The following MAP2K5 variants were observed in gnomAD, a reference collection of about 807,000 sequenced individuals.
MAP2K5 encodes mitogen-activated protein kinase kinase 5.
MAP2K5 carries 49 observed loss-of-function variants against 83.1 expected under a neutral mutation model. The observed-to-expected ratio is 0.59, with a 90% CI of 0.47 to 0.75. The LOEUF (loss-of-function observed/expected upper bound fraction) is 0.75, where lower values mean the gene tolerates loss of function less well. Ranked by LOEUF, MAP2K5 falls within the 30% of genes least tolerant of loss-of-function variation. MAP2K5 has a pLI of 0.00. For synonymous variants in MAP2K5, 202 were observed against 191.8 expected (o/e 1.05, Z -0.44); for missense variants, 457 against 557.5 (o/e 0.82, Z 1.82).
chr15:67,612,549 T>C (rs768346489), intron 8 of MAP2K5, among the ~76,000 whole-genome samples: 21 of 152,320 alleles, frequency 1.4e-4, no homozygotes, highest in African/African-American at 5.1e-4. Context: ...TGAAGATGAC[T>C]GTCCCTGGAT....
At chr15:67,751,540 A>G (rs3784707) in intron 19 of MAP2K5, among the ~76,000 whole-genome samples, 1 of 152,048 alleles carries the variant, frequency 6.6e-6, no homozygotes, top group Non-Finnish European at 1.5e-5. Flanking sequence ...TAGCCATCTG[A>G]TATCTTTGGG....
rs2087702298 is a variant in MAP2K5, at chr15:67,677,133, T to G, written c.847+12488T>G. On this transcript the variant is annotated intron_variant, in intron 13 of 21. Transcript: ENST00000178640. This position sits in a 1 kb window ranked among gnomAD's most constrained non-coding sequence, Gnocchi z 4.2. ...CTTAAAACATCTGGGCTATTTTCTT[T>G]GTGAACTTCCCAAGATCACCCAACT... 6.6e-6 allele frequency among the ~76,000 whole-genome samples: 1 copy of G among 152,188 alleles called. No individual in the cohort carries two copies. The highest frequency in any genetic ancestry group is 2.4e-5 in the African/African-American group (1 of 41,448).
At chr15:67,581,409 ACTAT>A (rs1200463307) in intron 4 of MAP2K5, among the ~76,000 whole-genome samples, 1 of 152,222 alleles carries the variant, frequency 6.6e-6, no homozygotes, top group African/African-American at 2.4e-5. Flanking sequence ...GTTTGGCAGT[ACTAT>A]CCTTGTATCA....
At chr15:67,681,417 A>G (rs1311559957) in intron 13 of MAP2K5, among the ~76,000 whole-genome samples, 1 of 152,242 alleles carries the variant, frequency 6.6e-6, no homozygotes, top group Admixed American at 6.5e-5. Context: ...CACAGTCAGT[A>G]TGCAGCGGCA....
At chr15:67,693,242 G>A (rs1289502351) in intron 14 of MAP2K5, among the ~76,000 whole-genome samples, 1 of 152,212 alleles carries the variant, frequency 6.6e-6, no homozygotes, top group African/African-American at 2.4e-5. Context: ...TATCAGGCGG[G>A]TTTGGGATAC....
intron 9 of MAP2K5, chr15:67,641,428 GCT>G (rs759783448): frequency 8.6e-5 from 81 of 939,234 alleles, no homozygotes; most frequent in East Asian, 2.3e-4. Context: ...CTGTGATTTT[GCT>G]CTCTTTCCCT....
In MAP2K5 at chr15:67,779,358, T is replaced by C. The variant is rs1206419789; in HGVS notation, c.1242+6606T>C. 6.6e-6 allele frequency among the ~76,000 whole-genome samples: 1 copy of C among 152,240 alleles called. No individual in the cohort carries two copies. The highest frequency in any genetic ancestry group is 1.9e-4 in the East Asian group (1 of 5,202). On this transcript the variant is annotated intron_variant, in intron 21 of 21. Coordinates refer to ENST00000178640, the MANE Select transcript of MAP2K5 (RefSeq NM_145160.3). This position sits in a 1 kb window ranked among gnomAD's most constrained non-coding sequence, Gnocchi z 4.6. Reference sequence around the variant, plus strand: ...ACTGTCTGGATACTTGAGATCGCACTAAATCAGACAGCTTTAATTTGAATT... The same window carrying C: ...ACTGTCTGGATACTTGAGATCGCACCAAATCAGACAGCTTTAATTTGAATT...
rs17240546 is a variant in MAP2K5 at position 67,549,439 on chromosome 15, C to A, written c.136-595C>A. ...ATGTGGCATAATGGGTTTATATCGTCATGGAAACTTGGGTGTCGAACTCCT... is the reference window on the plus strand; with the variant it reads ...ATGTGGCATAATGGGTTTATATCGTAATGGAAACTTGGGTGTCGAACTCCT... On this transcript the variant is annotated intron_variant, in intron 1 of 21. Transcript: ENST00000178640. Among the ~76,000 whole-genome samples the A allele has an allele frequency of 8.2e-3, 1,245 of 152,242 alleles. 38 individuals are homozygous for A. The highest frequency in any genetic ancestry group is 0.06 in the Admixed American group (912 of 15,284).
In MAP2K5 at chr15:67,587,453, C is replaced by T. The variant is rs2085313317; in HGVS notation, c.431+540C>T. Among the ~76,000 whole-genome samples the T allele has an allele frequency of 6.6e-6, 1 of 152,102 alleles. No homozygotes were observed. Among genetic ancestry groups the T allele is most frequent in the South Asian group, 2.1e-4 (1 of 4,824 alleles). On this transcript the variant is annotated intron_variant, in intron 6 of 21. Transcript: ENST00000178640. This position sits in a 1 kb window ranked among gnomAD's most constrained non-coding sequence, Gnocchi z 4.8. ...AAAAGATCCTCTGCCTGTGGTGTGG[C>T]GAATGAGCAGAAGCTCCCATCTAAT...
rs970777521 is a variant in MAP2K5, at chr15:67,665,430, A to T, written c.847+785A>T. 6.6e-6 allele frequency among the ~76,000 whole-genome samples: 1 copy of T among 152,240 alleles called. No individual in the cohort carries two copies. Among genetic ancestry groups the T allele is most frequent in the East Asian group, 1.9e-4 (1 of 5,202 alleles). ...GCTGTTTAATTTTACACATCTGCTC[A>T]TCTTAGCTGTATGTACATTTGGGGA... On this transcript the variant is annotated intron_variant, in intron 13 of 21. Transcript: ENST00000178640. This position sits in a 1 kb window ranked among gnomAD's most constrained non-coding sequence, Gnocchi z 4.2.
Position 67,550,074 on chromosome 15 carries a change from C to T in MAP2K5, c.176C>T (p.Ala59Val). 1.9e-6 allele frequency: 3 copies of T among 1,613,410 alleles called. No individual in the cohort carries two copies. Among genetic ancestry groups the T allele is most frequent in the South Asian group, 1.1e-5 (1 of 91,046 alleles). ...GQVLPEATTT[A>V]FEYEDEDGDR... ...GTTCTGCCTGAAGCAACAACTACAG[C>T]ATTTGAATGTAAGTCTGGCTTGTAT... Residue 59 changes from alanine (A) to valine (V), a missense_variant, in exon 2 of 22, where the codon GCA becomes GTA. This residue lies in a region of MAP2K5 where 234 missense variants were observed against 243.6 expected (regional missense o/e 0.96). Coordinates refer to ENST00000178640, the MANE Select transcript of MAP2K5 (RefSeq NM_145160.3).
chr15:67,703,893 GA>G (rs201034391), intron 16 of MAP2K5, among the ~76,000 whole-genome samples: 13 of 151,370 alleles, frequency 8.6e-5, no homozygotes, highest in South Asian at 6.3e-4. Context: ...TGTTTTAAAA[GA>G]AAAAAAAATC....
At chr15:67,692,605 A>G (rs2088142975) in intron 14 of MAP2K5, 53 bp downstream of exon 14, 3 of 1,373,532 alleles carry the variant, frequency 2.2e-6, no homozygotes, top group African/African-American at 1.4e-5. Context: ...ACCCCTTTAT[A>G]TTTTCATTCT....
At position 67,692,455 on chromosome 15, in the gene MAP2K5, TG is replaced by T. The variant is rs555563104; in HGVS notation, c.848-22del. ...CTGTAGATACATGGAATTAGTTACATGGCCTTTTCTGGTCCCTTTTTAGACG... is the reference window on the plus strand; with the variant it reads ...CTGTAGATACATGGAATTAGTTACATGCCTTTTCTGGTCCCTTTTTAGACG... On this transcript the variant is annotated intron_variant, in intron 13 of 21. Transcript: ENST00000178640. 4,604 of 1,571,206 alleles carry T rather than the reference TG, an allele frequency of 2.9e-3. 13 individuals carry two copies. Among genetic ancestry groups the T allele is most frequent in the Non-Finnish European group, 3.5e-3 (3,957 of 1,141,194 alleles).
intron 12 of MAP2K5, among the ~76,000 whole-genome samples, chr15:67,662,374 C>T (rs936879615): frequency 6.6e-6 from 1 of 152,120 alleles, no homozygotes; most frequent in Non-Finnish European, 1.5e-5. Flanking sequence ...ATGTAAACGA[C>T]TCATTTACTT....
rs546625788 is a variant in MAP2K5 at position 67,619,507 on chromosome 15, G to GT, written c.546-11380dup. On this transcript the variant is annotated intron_variant, in intron 8 of 21. Coordinates refer to ENST00000178640, the MANE Select transcript of MAP2K5 (RefSeq NM_145160.3). ...CTAGGAGGAGAATATATCATATACT[G>GT]TGGAAGAGGTCAAGCATATAGTAAT... Among the ~76,000 whole-genome samples the GT allele has an allele frequency of 2.0e-4, 30 of 152,302 alleles. 1 individual carries two copies. In the South Asian group the frequency reaches 6.2e-3, roughly 32 times the overall value.
In MAP2K5 at chr15:67,806,794, GAAC is replaced by G. The variant is rs779860629; in HGVS notation, c.*48_*50del. The G allele has an allele frequency of 1.3e-6, 2 of 1,594,562 alleles. No homozygotes were observed. Among genetic ancestry groups the G allele is most frequent in the Non-Finnish European group, 1.7e-6 (2 of 1,176,988 alleles). On this transcript the variant is annotated 3_prime_UTR_variant, in exon 22 of 22. Transcript: ENST00000178640. ...AAAGCCCAGGACCAGTAACCAAGGAGAACAACCCACCCGTCGCCCTTCTCCGTA... is the reference window on the plus strand; with the variant it reads ...AAAGCCCAGGACCAGTAACCAAGGAGAACCCACCCGTCGCCCTTCTCCGTA...
At chr15:67,725,119 C>T (rs1159676654) in intron 16 of MAP2K5, among the ~76,000 whole-genome samples, 3 of 152,318 alleles carry the variant, frequency 2.0e-5, no homozygotes, top group African/African-American at 7.2e-5. Context: ...AGCACTGGCA[C>T]CTGTTCCCAA....
intron 7 of MAP2K5, among the ~76,000 whole-genome samples, chr15:67,593,754 T>G (rs1185656692): frequency 6.6e-6 from 1 of 152,220 alleles, no homozygotes; most frequent in Non-Finnish European, 1.5e-5. Flanking sequence ...TCACTGCAAA[T>G]AAAAGACTCT....
Sources: allele counts gnomAD v4.1 joint callset (sites outside exome capture counted in the v4.1 genomes callset), GRCh38; gene constraint gnomAD v4.1.1; regional missense constraint gnomAD v4.1.1; non-coding constraint Gnocchi (gnomAD v3.1); transcripts MANE v1.5; gene names NCBI Gene and HGNC (gene_info 2026-07-23, HGNC 2026-07-21).